Variants in TENM4 observed in about 807,000 individuals in gnomAD.
TENM4 encodes teneurin transmembrane protein 4, also known as teneurin-4.
Under a neutral mutation model 243.3 loss-of-function variants are expected in TENM4, and 82 were observed. That is an observed-to-expected ratio of 0.34 (90% CI 0.28 to 0.40). TENM4 has a LOEUF of 0.40. Ranked by LOEUF, TENM4 falls within the 10% of genes least tolerant of loss-of-function variation. The probability of loss-of-function intolerance (pLI) is 1.00; values close to 1 mark genes in which losing one functional copy is unlikely to be tolerated. For synonymous variants in TENM4, 1,412 were observed against 1,456.3 expected (o/e 0.97, Z 0.69); for missense variants, 3,138 against 3,673.3 (o/e 0.85, Z 3.77).
At chr11:79,387,208 A>G (rs1858134701) in intron 1 of TENM4, among the ~76,000 whole-genome samples, 1 of 152,216 alleles carries the variant, frequency 6.6e-6, no homozygotes, top group South Asian at 2.1e-4. Context: ...AACCAAATCT[A>G]TAGTATTCTA....
At chr11:78,888,849 C>A (rs1855601422) in intron 9 of TENM4, among the ~76,000 whole-genome samples, 4 of 152,202 alleles carry the variant, frequency 2.6e-5, no homozygotes. Context: ...CTGGCCCAAC[C>A]TACCTTAAGC....
intron 30 of TENM4, among the ~76,000 whole-genome samples, chr11:78,675,479 G>A (rs1858444350): frequency 6.6e-6 from 1 of 152,170 alleles, no homozygotes. Flanking sequence ...CCTTTCTCAA[G>A]GTGGAGGAAA....
At chr11:79,049,585 G>GA (rs1288318144) in intron 6 of TENM4, among the ~76,000 whole-genome samples, 13 of 152,384 alleles carry the variant, frequency 8.5e-5, no homozygotes, top group African/African-American at 2.6e-4. Flanking sequence ...TGGTGCCTGA[G>GA]AACCTGGCTG....
intron 4 of TENM4, among the ~76,000 whole-genome samples, chr11:79,078,741 G>A (rs765910114): frequency 6.6e-6 from 1 of 152,170 alleles, no homozygotes; most frequent in Non-Finnish European, 1.5e-5. Flanking sequence ...CTAAAAGCAA[G>A]GTCTTTATAT....
intron 24 of TENM4, among the ~76,000 whole-genome samples, chr11:78,720,648 A>G (rs1355654661): frequency 6.6e-6 from 1 of 152,194 alleles, no homozygotes; most frequent in East Asian, 1.9e-4. Flanking sequence ...GGGGAAGAGG[A>G]CTAGGTTGAC....
intron 1 of TENM4, among the ~76,000 whole-genome samples, chr11:79,404,666 T>C (rs1858530292): frequency 6.6e-6 from 1 of 152,222 alleles, no homozygotes; most frequent in African/African-American, 2.4e-5. Flanking sequence ...ATGTTGCGTG[T>C]GCTGAGCAAG....
intron 6 of TENM4, among the ~76,000 whole-genome samples, chr11:78,983,581 G>A (rs907230686): frequency 6.6e-6 from 1 of 152,246 alleles, no homozygotes; most frequent in Admixed American, 6.5e-5. Flanking sequence ...CTTTTGCACA[G>A]TGTGGTACAT....
At chr11:79,321,829 G>T (rs893441688) in intron 1 of TENM4, among the ~76,000 whole-genome samples, 1 of 152,044 alleles carries the variant, frequency 6.6e-6, no homozygotes, top group Non-Finnish European at 1.5e-5. Flanking sequence ...TATCAGAAGG[G>T]CTACGTATAG....
intron 1 of TENM4, among the ~76,000 whole-genome samples, chr11:79,311,025 G>C (rs543347021): frequency 5.3e-5 from 8 of 152,102 alleles, no homozygotes; most frequent in Non-Finnish European, 1.2e-4. Flanking sequence ...AAGTCTTCAG[G>C]TTAATTCATT....
intron 7 of TENM4, among the ~76,000 whole-genome samples, chr11:78,898,268 T>C (rs1442567500): frequency 6.6e-6 from 1 of 152,166 alleles, no homozygotes; most frequent in Non-Finnish European, 1.5e-5. Context: ...ACCAAAGCCC[T>C]CTCTCTTCTT....
At chr11:79,147,395 T>A (rs1862413887) in intron 4 of TENM4, among the ~76,000 whole-genome samples, 1 of 152,088 alleles carries the variant, frequency 6.6e-6, no homozygotes, top group African/African-American at 2.4e-5. Flanking sequence ...GTGCAGCTTC[T>A]CGGACCCACT....
At chr11:79,069,509 C>A (rs1337330886) in intron 5 of TENM4, among the ~76,000 whole-genome samples, 1 of 152,084 alleles carries the variant, frequency 6.6e-6, no homozygotes, top group Admixed American at 6.6e-5. Flanking sequence ...AGTGGGTGAG[C>A]GAGAAAATAA....
intron 1 of TENM4, among the ~76,000 whole-genome samples, chr11:79,302,566 TG>T (rs1454978866): frequency 1.3e-5 from 2 of 152,242 alleles, no homozygotes. Context: ...TTAGCATTAT[TG>T]ACTTGATGGT....
intron 4 of TENM4, among the ~76,000 whole-genome samples, chr11:79,086,732 G>A (rs1230515097): frequency 1.3e-5 from 2 of 151,582 alleles, no homozygotes; most frequent in East Asian, 3.9e-4. Flanking sequence ...TGCTTGGGAA[G>A]CTGAGGCAGT....
chr11:78,986,388 C>G (rs1470133225), intron 6 of TENM4, among the ~76,000 whole-genome samples: 1 of 152,164 alleles, frequency 6.6e-6, no homozygotes, highest in Non-Finnish European at 1.5e-5. Flanking sequence ...ACAATCCTCC[C>G]CGCTTTCAGA....
At chr11:79,197,823 G>T (rs1412523900) in intron 3 of TENM4, among the ~76,000 whole-genome samples, 1 of 152,106 alleles carries the variant, frequency 6.6e-6, no homozygotes, top group Admixed American at 6.5e-5. Context: ...TTCCAATCAA[G>T]AATTTTTTTT....
intron 2 of TENM4, among the ~76,000 whole-genome samples, chr11:79,296,299 G>A (rs1213470519): frequency 1.3e-5 from 2 of 152,180 alleles, no homozygotes; most frequent in Non-Finnish European, 2.9e-5. Flanking sequence ...CAGTTTTACA[G>A]CAAGGTCACT....
At chr11:79,170,215 T>G (rs1390735228) in intron 3 of TENM4, among the ~76,000 whole-genome samples, 1 of 152,078 alleles carries the variant, frequency 6.6e-6, no homozygotes, top group African/African-American at 2.4e-5. Context: ...CCTTCCAAGT[T>G]CATGAAGGCT....
At chr11:79,069,100 A>T (rs1028995514) in intron 5 of TENM4, among the ~76,000 whole-genome samples, 10 of 152,194 alleles carry the variant, frequency 6.6e-5, no homozygotes, top group African/African-American at 1.9e-4. Context: ...ATACTGGGGC[A>T]GGATGGATAG....
Sources: gnomAD v4.1 joint callset for allele counts (sites outside exome capture counted in the v4.1 genomes callset) on GRCh38, gnomAD v4.1.1 for gene constraint, MANE v1.5 for transcripts, NCBI Gene and HGNC (gene_info 2026-07-23, HGNC 2026-07-21) for gene names.